Variants in CSMD1 observed in about 807,000 individuals in gnomAD.
CSMD1 encodes CUB and Sushi multiple domains 1, also known as CUB and sushi domain-containing protein 1.
CSMD1 carries 213 observed loss-of-function variants against 417.5 expected under a neutral mutation model. That is an observed-to-expected ratio of 0.51 (90% CI 0.46 to 0.57). The LOEUF (loss-of-function observed/expected upper bound fraction) is 0.57, where lower values mean the gene tolerates loss of function less well. Among genes scored for constraint, CSMD1 ranks in the 20% least tolerant of loss-of-function variants. The probability of loss-of-function intolerance (pLI) is 0.00; values close to 1 mark genes in which losing one functional copy is unlikely to be tolerated. For synonymous variants in CSMD1, 2,862 were observed against 1,736.8 expected, an observed-to-expected ratio of 1.65 and a Z score of -16.11; for missense variants, 6,923 against 4,529.7, an observed-to-expected ratio of 1.53 and a Z score of -15.17.
At chr8:4,591,907 T>G (rs1291117256) in intron 2 of CSMD1, among the ~76,000 whole-genome samples, 2 of 152,020 alleles carry the variant, frequency 1.3e-5, no homozygotes, top group African/African-American at 2.4e-5. Context: ...GGGCAGACAT[T>G]CTGAGGGACT....
chr8:4,426,259 TA>T (rs964844738), intron 2 of CSMD1, among the ~76,000 whole-genome samples: 2 of 151,832 alleles, frequency 1.3e-5, no homozygotes, highest in African/African-American at 4.8e-5. Context: ...TTATTTTTTA[TA>T]AGTTATTCCA....
chr8:3,987,522 T>G (rs1178164521), intron 5 of CSMD1, among the ~76,000 whole-genome samples: 1 of 152,154 alleles, frequency 6.6e-6, no homozygotes, highest in African/African-American at 2.4e-5. Context: ...ACCAAAAATC[T>G]GGGAGTCTGA....
At chr8:4,370,809 G>A (rs1056811237) in intron 3 of CSMD1, among the ~76,000 whole-genome samples, 6 of 152,154 alleles carry the variant, frequency 3.9e-5, no homozygotes, top group African/African-American at 7.2e-5. Flanking sequence ...AAATGGTTAT[G>A]TTGGCTTCCA....
At chr8:4,704,068 C>T (rs2116831994) in intron 1 of CSMD1, among the ~76,000 whole-genome samples, 1 of 152,330 alleles carries the variant, frequency 6.6e-6, no homozygotes, top group East Asian at 1.9e-4. Context: ...CTGCTCACCT[C>T]CAGCTACGCA....
intron 3 of CSMD1, among the ~76,000 whole-genome samples, chr8:4,037,000 C>T (rs1563347530): frequency 7.1e-6 from 1 of 140,278 alleles, no homozygotes; most frequent in Non-Finnish European, 1.6e-5. Flanking sequence ...TGTGTGTGAT[C>T]CTGCCATGGT....
At chr8:4,276,989 T>C (rs1563375866) in intron 3 of CSMD1, among the ~76,000 whole-genome samples, 1 of 152,130 alleles carries the variant, frequency 6.6e-6, no homozygotes, top group Non-Finnish European at 1.5e-5. Context: ...TTTAAAAAGA[T>C]AAACTCCAGG....
intron 8 of CSMD1, among the ~76,000 whole-genome samples, chr8:3,596,777 AACACAC>A (rs745797757): frequency 1.3e-5 from 2 of 151,920 alleles, no homozygotes; most frequent in East Asian, 3.9e-4. Flanking sequence ...GGCACACACA[AACACAC>A]ACACTCACAC....
At chr8:3,052,826 G>C (rs1350485496) in intron 49 of CSMD1, among the ~76,000 whole-genome samples, 179 bp from the exon 50 acceptor site, 1 of 145,500 alleles carries the variant, frequency 6.9e-6, no homozygotes, top group African/African-American at 2.6e-5. Context: ...CTGTCTCCCA[G>C]GCTGGAGTGC....
At chr8:4,329,299 TA>T (rs1163617675) in intron 3 of CSMD1, among the ~76,000 whole-genome samples, 2 of 152,202 alleles carry the variant, frequency 1.3e-5, no homozygotes, top group African/African-American at 4.8e-5. Flanking sequence ...AATACTCATT[TA>T]TTTTTTGAGA....
intron 50 of CSMD1, among the ~76,000 whole-genome samples, chr8:3,030,675 G>A (rs1585187632): frequency 6.6e-6 from 1 of 151,874 alleles, no homozygotes; most frequent in African/African-American, 2.4e-5. Flanking sequence ...AGTAGAAATG[G>A]GGTTTCACCA....
intron 1 of CSMD1, among the ~76,000 whole-genome samples, chr8:4,940,131 T>C (rs536084948): frequency 7.2e-5 from 11 of 152,058 alleles, no homozygotes; most frequent in Non-Finnish European, 1.5e-4. Flanking sequence ...GCTCCCCCTG[T>C]GAGAGCAGGG....
intron 1 of CSMD1, among the ~76,000 whole-genome samples, chr8:4,690,781 T>C (rs1806716887): frequency 6.6e-6 from 1 of 152,138 alleles, no homozygotes; most frequent in African/African-American, 2.4e-5. Flanking sequence ...CAGGCTGGAG[T>C]TCACTGGTGC....
chr8:4,319,392 G>A lies in CSMD1; in HGVS notation c.415+100561C>T, dbSNP rs1241216877. 2.6e-5 allele frequency among the ~76,000 whole-genome samples: 4 copies of A among 152,090 alleles called. No individual in the cohort carries two copies. In the East Asian group the frequency reaches 7.8e-4, roughly 30 times the overall value. ...TTCTTTGAAATACTGAGCCTCTGGGGCCCATAATCGATACGTGAGCCCTAA... is the reference window on the plus strand; with the variant it reads ...TTCTTTGAAATACTGAGCCTCTGGGACCCATAATCGATACGTGAGCCCTAA... On this transcript the variant is annotated intron_variant, in intron 3 of 69. Coordinates refer to ENST00000635120, the MANE Select transcript of CSMD1 (RefSeq NM_033225.6).
intron 3 of CSMD1, among the ~76,000 whole-genome samples, chr8:4,101,031 T>G (rs928936509): frequency 2.0e-5 from 3 of 152,182 alleles, no homozygotes; most frequent in African/African-American, 7.2e-5. Context: ...AGCCTGTGAT[T>G]GCAGAATGAT....
chr8:4,273,933 T>C (rs1459343761), intron 3 of CSMD1, among the ~76,000 whole-genome samples: 1 of 152,200 alleles, frequency 6.6e-6, no homozygotes, highest in Non-Finnish European at 1.5e-5. Context: ...TACTTTTCTA[T>C]GGAGGCTGTT....
At chr8:3,548,258 T>G (rs531950191) in intron 10 of CSMD1, among the ~76,000 whole-genome samples, 1 of 152,308 alleles carries the variant, frequency 6.6e-6, no homozygotes, top group Admixed American at 6.5e-5. Flanking sequence ...TTCCTCACTC[T>G]CTGTAGCCCT....
intron 5 of CSMD1, among the ~76,000 whole-genome samples, chr8:3,848,960 T>G (rs1474593585): frequency 2.0e-5 from 3 of 151,186 alleles, no homozygotes; most frequent in Non-Finnish European, 4.4e-5. Flanking sequence ...TATATACTAT[T>G]GCAAAAATAT....
chr8:4,477,211 TGAGA>T lies in CSMD1; in HGVS notation c.303-57150_303-57147del, dbSNP rs545753403. Among the ~76,000 whole-genome samples, 45 of 152,270 alleles carry T rather than the reference TGAGA, an allele frequency of 3.0e-4. No individual in the cohort carries two copies. In the East Asian group the frequency reaches 8.3e-3, roughly 28 times the overall value. ...CACCTCCAGCTGAGCCCAGCCCAGGTGAGAGGGCTCCCAGTGACAGAGCTACCTA... is the reference window on the plus strand; with the variant it reads ...CACCTCCAGCTGAGCCCAGCCCAGGTGGGCTCCCAGTGACAGAGCTACCTA... On this transcript the variant is annotated intron_variant, in intron 2 of 69. Coordinates refer to ENST00000635120, the MANE Select transcript of CSMD1 (RefSeq NM_033225.6).
chr8:3,338,022 A>G (rs1047827982), intron 23 of CSMD1, among the ~76,000 whole-genome samples: 1 of 152,116 alleles, frequency 6.6e-6, no homozygotes, highest in African/African-American at 2.4e-5. Flanking sequence ...AGATGCTTTT[A>G]TTTCCCAAGC....
Sources: gnomAD v4.1 joint callset for allele counts (sites outside exome capture counted in the v4.1 genomes callset) on GRCh38, gnomAD v4.1.1 for gene constraint, MANE v1.5 for transcripts, NCBI Gene and HGNC (gene_info 2026-07-23, HGNC 2026-07-21) for gene names.